Variants in MYH14 observed in about 807,000 individuals in gnomAD.
MYH14 encodes the protein myosin-14.
Under a neutral mutation model 255.5 loss-of-function variants are expected in MYH14, and 123 were observed. The ratio of observed to expected loss-of-function variants is 0.48; its 90% confidence interval spans 0.42 to 0.56. The LOEUF is 0.56. MYH14 is among the 20% of genes least tolerant of loss of function. The pLI is 0.00. For missense variants in MYH14, 2,423 were observed against 2,802.3 expected, an observed-to-expected ratio of 0.86 and a Z score of 3.06; for synonymous variants, 1,095 against 1,161.2, an observed-to-expected ratio of 0.94 and a Z score of 1.16.
At position 50,284,554 on chromosome 19, in the gene MYH14, T is replaced by A. The variant is rs958574711; in HGVS notation, c.4540-1928T>A. 5.3e-5 allele frequency among the ~76,000 whole-genome samples: 8 copies of A among 151,530 alleles called. No individual in the cohort carries two copies. In the East Asian group the frequency reaches 5.8e-4, roughly 11 times the overall value. On this transcript the variant is annotated intron_variant, in intron 33 of 42. Transcript: ENST00000642316. ...GGCTAATTTTTTTATTTTTATTTTT[T>A]TTTTATTTTTTATTTTTAGTAAAGA...
In MYH14 at chr19:50,230,897, G is replaced by A. The variant is rs1757020524; in HGVS notation, c.973+274G>A. On this transcript the variant is annotated intron_variant, in intron 9 of 42. Transcript: ENST00000642316. This position sits in a 1 kb window ranked among gnomAD's most constrained non-coding sequence, Gnocchi z 4.7. ...CCGCCGCCTGGTGGCTCCTGCTCAC[G>A]CTCGCTTCCGAAGCTCCGTGGCTTC... 4 of 456,602 alleles carry A rather than the reference G, an allele frequency of 8.8e-6. No homozygotes were observed. Among genetic ancestry groups the A allele is most frequent in the South Asian group, 5.6e-5 (2 of 35,490 alleles). The allele number at this position is 456,602 out of a possible 1,614,324, so 28.3% of individuals were successfully genotyped here. A position where few individuals can be genotyped will look rare whatever the true frequency, so the allele number is the denominator to read the frequency against.
At chr19:50,247,250 C>T (rs2123295537) in intron 12 of MYH14, 128 bp downstream of exon 12, 1 of 660,222 alleles carries the variant, frequency 1.5e-6, no homozygotes, top group Middle Eastern at 2.5e-4. Context: ...CGTTACCGAT[C>T]CTGGTCTAGG....
chr19:50,275,909 C>T, intron 27 of MYH14, 82 bp from the exon 28 acceptor site: 1 of 1,135,186 alleles, frequency 8.8e-7, no homozygotes, highest in South Asian at 1.5e-5. Context: ...CCAAAGCCCA[C>T]ATCCAGCCTC....
chr19:50,280,529 C>T lies in MYH14; in HGVS notation c.4290+146C>T, dbSNP rs1174128561. ...TTTCTCATCTCTGACTCCCCCTTAC[C>T]CCCCACAGCCCATGCCCAGCCCTGG... On this transcript the variant is annotated intron_variant, in intron 32 of 42. Coordinates refer to ENST00000642316, the MANE Select transcript of MYH14 (RefSeq NM_001145809.2). The surrounding 1 kb of genome is among the most constrained non-coding windows in gnomAD (Gnocchi z 4.8). The T allele has an allele frequency of 2.4e-6, 2 of 844,734 alleles. No individual in the cohort carries two copies. The highest frequency in any genetic ancestry group is 2.7e-5 in the East Asian group (1 of 37,246). 52.3% of individuals were successfully genotyped at this position (844,734 alleles called of 1,614,324 possible).
At chr19:50,284,085 C>CAAAAAAAAAAA (rs1289256025) in intron 33 of MYH14, among the ~76,000 whole-genome samples, 1 of 116,942 alleles carries the variant, frequency 8.6e-6, no homozygotes, top group African/African-American at 3.9e-5. Context: ...AAAAACAAAA[C>CAAAAAAAAAAA]AAAAAACAAA....
Position 50,307,095 on chromosome 19 carries a change from C to T in MYH14, c.5725C>T (p.Leu1909Phe). The T allele has an allele frequency of 6.4e-7, 1 of 1,551,058 alleles. No homozygotes were observed. The highest frequency in any genetic ancestry group is 8.7e-7 in the Non-Finnish European group (1 of 1,146,928). ...GKLVRRAEKR[L>F]KEVVLQVEEE... ...GCTGGTGCGCAGAGCTGAGAAGCGG[C>T]TTAAAGAGGTGGTGCTCCAGGTGGA... The change falls in exon 41 of 43, where the codon CTT (leucine) becomes TTT (phenylalanine). Residue 1909 changes from leucine to phenylalanine, a missense_variant. Around this residue, in one of 3 missense-constraint regions of MYH14, gnomAD observed 1,513 missense variants for 1,674.8 expected, o/e 0.90. Transcript: ENST00000642316.
intron 30 of MYH14, among the ~76,000 whole-genome samples, chr19:50,278,761 A>C (rs2035603139): frequency 1.3e-5 from 2 of 151,146 alleles, no homozygotes; most frequent in Admixed American, 1.3e-4. Context: ...GATCACCTGA[A>C]GTCAGAAGTT....
chr19:50,295,004 AGTTTTTT>A (rs1490058022), intron 39 of MYH14, among the ~76,000 whole-genome samples: 3 of 139,138 alleles, frequency 2.2e-5, no homozygotes, highest in African/African-American at 8.9e-5. Context: ...GAAGAGATTA[AGTTTTTT>A]TTTTTTTTTT....
chr19:50,302,627 A>G (rs1423208294), intron 40 of MYH14, among the ~76,000 whole-genome samples: 1 of 151,926 alleles, frequency 6.6e-6, no homozygotes, highest in East Asian at 1.9e-4. Flanking sequence ...GATGCCAGGC[A>G]CGGTGGCTCA....
intron 27 of MYH14, among the ~76,000 whole-genome samples, chr19:50,273,601 G>GGTGTGTGT (rs56095197): frequency 2.4e-4 from 33 of 137,576 alleles, no homozygotes; most frequent in African/African-American, 8.1e-4. Context: ...GAACATGGGG[G>GGTGTGTGT]GTGTGTGTGT....
intron 2 of MYH14, among the ~76,000 whole-genome samples, chr19:50,217,350 C>A (rs1383057382): frequency 6.6e-6 from 1 of 152,180 alleles, no homozygotes; most frequent in Non-Finnish European, 1.5e-5. Flanking sequence ...AGGCTGTGAC[C>A]CAAGTCTGGC....
At chr19:50,233,473 GC>G (rs2033506416) in intron 10 of MYH14, among the ~76,000 whole-genome samples, 1 of 151,870 alleles carries the variant, frequency 6.6e-6, no homozygotes, top group South Asian at 2.1e-4. Flanking sequence ...CCCAGCCTGT[GC>G]CCCCACTTTT....
chr19:50,236,569 G>A (rs768182673), intron 10 of MYH14, among the ~76,000 whole-genome samples: 8 of 151,944 alleles, frequency 5.3e-5, no homozygotes, highest in Non-Finnish European at 1.2e-4. Context: ...TTAGCTGGGC[G>A]TGGTGGCACA....
rs765169692 is a variant in MYH14, at chr19:50,210,416, G to A, written c.51G>A (p.Pro17=). 9 of 1,567,746 alleles carry A rather than the reference G, an allele frequency of 5.7e-6. No homozygotes were observed. The highest frequency in any genetic ancestry group is 1.2e-5 in the South Asian group (1 of 85,634). Reference sequence around the variant, plus strand: ...CCGGGCGGAAGGCGCCCCCCAGGCCGGGCCCAGTGCCCGAGGCGGCCCAGC... The same window carrying A: ...CCGGGCGGAAGGCGCCCCCCAGGCCAGGCCCAGTGCCCGAGGCGGCCCAGC... The part of the protein sequence containing the change: ...SVPGRKAPPR[P]GPVPEAAQPF... The change falls in exon 2 of 43, where the codon CCG becomes CCA. Residue 17 remains proline (P), a synonymous_variant. Transcript: ENST00000642316.
intron 2 of MYH14, among the ~76,000 whole-genome samples, chr19:50,213,731 C>T (rs190697395): frequency 6.6e-6 from 1 of 152,316 alleles, no homozygotes; most frequent in East Asian, 1.9e-4. Flanking sequence ...CCCTCTTTTT[C>T]CCACAGCTTG....
intron 39 of MYH14, among the ~76,000 whole-genome samples, chr19:50,295,888 A>T (rs2036248505): frequency 1.3e-5 from 2 of 151,852 alleles, no homozygotes; most frequent in Admixed American, 1.3e-4. Flanking sequence ...TGAGGCGGGT[A>T]GATCATGAGG....
At chr19:50,203,836 G>C (rs2031582173) in intron 1 of MYH14, among the ~76,000 whole-genome samples, 165 bp downstream of exon 1, 1 of 151,854 alleles carries the variant, frequency 6.6e-6, no homozygotes, top group Admixed American at 6.5e-5. Context: ...CGGGACGGCG[G>C]CGAGGGAGGT....
At chr19:50,218,733 A>C (rs2032634956) in intron 3 of MYH14, among the ~76,000 whole-genome samples, 1 of 152,044 alleles carries the variant, frequency 6.6e-6, no homozygotes, top group East Asian at 1.9e-4. Context: ...CACTGCACCC[A>C]ATGTGTAATC....
rs1196499393 is a variant in MYH14 at position 50,218,379 on chromosome 19, G to A, written c.562+608G>A. 1.1e-4 allele frequency among the ~76,000 whole-genome samples: 17 copies of A among 152,026 alleles called. No individual in the cohort carries two copies. In the East Asian group the frequency reaches 2.7e-3, roughly 25 times the overall value. On this transcript the variant is annotated intron_variant, in intron 3 of 42. Transcript: ENST00000642316. ...TGGGAGGCTGAGGCAGGCGGATCAC[G>A]AGGTCAGGAGATCGAGACCATTCTG...
Sources: gnomAD v4.1 joint callset for allele counts (sites outside exome capture counted in the v4.1 genomes callset) on GRCh38, gnomAD v4.1.1 for gene constraint, gnomAD v4.1.1 regional missense constraint, Gnocchi (gnomAD v3.1) non-coding constraint, MANE v1.5 for transcripts, NCBI Gene and HGNC (gene_info 2026-07-23, HGNC 2026-07-21) for gene names.